Variants in TTN observed in about 807,000 individuals in gnomAD.
TTN encodes titin.
A neutral mutation model predicts 3,223.0 loss-of-function variants in TTN; 1,525 were observed. The ratio of observed to expected loss-of-function variants is 0.47; its 90% CI spans 0.45 to 0.49. The LOEUF (loss-of-function observed/expected upper bound fraction) is 0.49, where lower values mean the gene tolerates loss of function less well. Ranked by LOEUF, TTN falls within the 20% of genes least tolerant of loss-of-function variation. The pLI, the probability that TTN is intolerant of heterozygous loss-of-function variation, is 0.00. For synonymous variants in TTN, 14,094 were observed against 15,161.0 expected (o/e 0.93, Z 5.17); for missense variants, 40,786 against 43,424.0 (o/e 0.94, Z 5.40).
rs371454228 is a variant in TTN, at chr2:178,804,598, A to G, written c.45T>C (p.Val15=). 7 of 1,613,916 alleles carry G rather than the reference A, an allele frequency of 4.3e-6. No homozygotes were observed. The highest frequency in any genetic ancestry group is 5.9e-6 in the Non-Finnish European group (7 of 1,179,958). ...TTGCGGTACTACCCTCCAGTACCAC[A>G]ACGCTTTGTAACGGCTGCGTAAACG... ...APTFTQPLQS[V]VVLEGSTATF... Residue 15 remains valine, a synonymous_variant, in exon 2 of 363, where the codon GTT becomes GTC. Transcript: ENST00000589042.
Position 178,734,933 on chromosome 2 carries a change from T to A in TTN, c.14991A>T (p.Glu4997Asp). ...VDPSYLMLPG[E>D]SARLHCKLKG... ...TCAGCTTGCAATGGAGGCGTGCTGA[T>A]TCACCTGGGAGCATTAAATAAGAGG... The change falls in exon 51 of 363, where the codon GAA (glutamate) becomes GAT (aspartate). Residue 4997 changes from glutamate (E) to aspartate (D), a missense_variant. Physicochemically the swap from Glu to Asp is conservative, Grantham distance 45. Transcript: ENST00000589042. The A allele has an allele frequency of 6.2e-7, 1 of 1,610,392 alleles. No individual in the cohort carries two copies. Among genetic ancestry groups the A allele is most frequent in the East Asian group, 2.2e-5 (1 of 44,650 alleles).
At chr2:178,754,128 G>A (rs1648333849) in intron 46 of TTN, 1 of 152,090 alleles carries the variant, frequency 6.6e-6, no homozygotes, top group African/African-American at 2.4e-5. Context: ...CAGCATGTTA[G>A]TCATGAAACT....
chr2:178,722,774 G>T lies in TTN; in HGVS notation c.22125C>A (p.Asn7375Lys), dbSNP rs750961839. ...PTPEYRTYFT[N>K]NVATLVFNKV... ...TATTAAAAACAAGTGTGGCCACATT[G>T]TTTGTAAAGTAGGTCCTGTATTCAG... is the stretch of plus-strand genomic sequence containing the variant. The change falls in exon 76 of 363, where the codon AAC becomes AAA. Residue 7375 changes from asparagine (N) to lysine (K), a missense_variant. By Grantham distance (94) the Asn-to-Lys change is moderately conservative. Transcript: ENST00000589042. 1 of 1,613,124 alleles carries T rather than the reference G, an allele frequency of 6.2e-7. No homozygotes were observed. Among genetic ancestry groups the T allele is most frequent in the African/African-American group, 1.3e-5 (1 of 74,858 alleles).
rs1364548396 is a variant in TTN, at chr2:178,543,729, AT to A, written c.96311-68del. ...ATAGCTTTTTTTTTCTTGGGGAAATATAATCAACATAGTTCCTTTCTAGAGA... is the reference window on the plus strand; with the variant it reads ...ATAGCTTTTTTTTTCTTGGGGAAATAAATCAACATAGTTCCTTTCTAGAGA... On this transcript the variant is annotated intron_variant, in intron 346 of 362. Coordinates refer to ENST00000589042, the MANE Select transcript of TTN (RefSeq NM_001267550.2). The A allele has an allele frequency of 4.4e-5, 66 of 1,517,056 alleles. No individual in the cohort carries two copies. The East Asian group carries it at 1.5e-3, about 35-fold the overall frequency. The allele number at this position is 1,517,056 out of a possible 1,614,324, so 94.0% of individuals were successfully genotyped here. A position where few individuals can be genotyped will look rare whatever the true frequency, so the allele number is the denominator to read the frequency against.
At chr2:178,632,098 AT>A (rs2059876656) in intron 236 of TTN, 48 bp downstream of exon 236, 2 of 1,496,408 alleles carry the variant, frequency 1.3e-6, no homozygotes, top group African/African-American at 2.8e-5. Flanking sequence ...TACTCCACAA[AT>A]TTCTGTTGAA....
At position 178,679,365 on chromosome 2, in the gene TTN, T is replaced by G; in HGVS notation, c.33716A>C (p.Lys11239Thr). ...PEEKVPVLIP[K>T]KEKPPPAKVP... is the part of the protein sequence containing the mutation. ...TTTTGCTGGCGGAGGCTTCTCCTTT[T>G]TAGGAATAAGCACAGGAACTTTCTC... is the stretch of plus-strand genomic sequence containing the variant. The change falls in exon 142 of 363, where the codon AAA becomes ACA. Residue 11239 changes from lysine (K) to threonine (T), a missense_variant. By Grantham distance (78) the Lys-to-Thr change is moderately conservative. Transcript: ENST00000589042. 2 of 1,612,776 alleles carry G rather than the reference T, an allele frequency of 1.2e-6. No homozygotes were observed. Among genetic ancestry groups the G allele is most frequent in the Non-Finnish European group, 1.7e-6 (2 of 1,179,080 alleles).
Position 178,636,788 on chromosome 2 carries a change from T to C in TTN, c.40939A>G (p.Lys13647Glu), listed in dbSNP as rs777187629. The C allele has an allele frequency of 5.5e-5, 87 of 1,592,922 alleles. No homozygotes were observed. The highest frequency in any genetic ancestry group is 7.0e-5 in the Non-Finnish European group (82 of 1,169,212). ...TCGGCTTCTATTGGTGAAGGAGTCT[T>C]TTTGGGTACACCTAATTCAAAGTAA... Reference protein sequence around the residue: ...PKGPIKGVPKKTPSPIEAERR... With the variant: ...PKGPIKGVPKETPSPIEAERR... Residue 13647 changes from lysine to glutamate, a missense_variant, in exon 225 of 363, where the codon AAG becomes GAG. Transcript: ENST00000589042. The surrounding 1 kb of genome is among the most constrained non-coding windows in gnomAD (Gnocchi z 4.3).
chr2:178,665,836 G>A lies in TTN; in HGVS notation c.35876-45C>T, dbSNP rs115812606. ...TTGTACTTTGGAGTTATGAAGAGGA[G>A]TAAAGAGTTCCCATCTTAACTGCAC... On this transcript the variant is annotated intron_variant, in intron 163 of 362. Coordinates refer to ENST00000589042, the MANE Select transcript of TTN (RefSeq NM_001267550.2). The A allele has an allele frequency of 1.2e-3, 1,221 of 1,030,306 alleles. 16 individuals are homozygous for A. The African/African-American group carries it at 0.018, about 15-fold the overall frequency. 63.8% of individuals were successfully genotyped at this position (1,030,306 alleles called of 1,614,324 possible).
At chr2:178,789,032 C>T (rs1055672343) in intron 13 of TTN, among the ~76,000 whole-genome samples, 3 of 152,068 alleles carry the variant, frequency 2.0e-5, no homozygotes, top group East Asian at 1.9e-4. Flanking sequence ...ATACATCTTC[C>T]GTGTTTTTAA....
In TTN at chr2:178,711,099, T is replaced by C. The variant is rs1060500516; in HGVS notation, c.28137A>G (p.Ile9379Met). 2.0e-5 allele frequency: 32 copies of C among 1,612,520 alleles called. No individual in the cohort carries two copies. The highest frequency in any genetic ancestry group is 2.7e-5 in the Non-Finnish European group (32 of 1,179,136). The change falls in exon 97 of 363, where the codon ATA becomes ATG. Residue 9379 changes from isoleucine (I) to methionine (M), a missense_variant. Ile to Met is a conservative substitution (Grantham distance 10). Coordinates refer to ENST00000589042, the MANE Select transcript of TTN (RefSeq NM_001267550.2). ...GCCTGGCACTGGAAGAAGCAGAGCC[T>C]ATAGGGTTTGTAGCTGTGCAGGAAT... is the stretch of plus-strand genomic sequence containing the variant. The part of the protein sequence containing the change: ...GQYSCTATNP[I>M]GSASSSARLI...
At position 178,799,910 on chromosome 2, in the gene TTN, C is replaced by G; in HGVS notation, c.584G>C (p.Gly195Ala). 1 of 1,614,048 alleles carries G rather than the reference C, an allele frequency of 6.2e-7. No homozygotes were observed. Among genetic ancestry groups the G allele is most frequent in the Non-Finnish European group, 8.5e-7 (1 of 1,179,980 alleles). The change falls in exon 5 of 363, where the codon GGT (glycine) becomes GCT (alanine). Residue 195 changes from glycine (G) to alanine (A), a missense_variant and splice_region_variant. Transcript: ENST00000589042. The stretch of plus-strand genomic sequence containing the variant: ...CTTTTTAGCAGGTACTTCTTCTTCA[C>G]CTGTGGGAAGGGAAAGATGAATGTT... ...ATSTAELLVQ[G>A]EEEVPAKKTK...
In TTN at chr2:178,620,850, T is replaced by C. The variant is rs72677226; in HGVS notation, c.45760A>G (p.Ile15254Val). 6.2e-7 allele frequency: 1 copy of C among 1,612,660 alleles called. No individual in the cohort carries two copies. The highest frequency in any genetic ancestry group is 1.1e-5 in the South Asian group (1 of 91,052). Residue 15254 changes from isoleucine to valine, a missense_variant, in exon 247 of 363, where the codon ATC becomes GTC. Physicochemically the swap from Ile to Val is conservative, Grantham distance 29. Coordinates refer to ENST00000589042, the MANE Select transcript of TTN (RefSeq NM_001267550.2). ...TAGACTAGGTCTTTTTGGAGAATGA[T>C]GTATTTTGAACTATCAAATATAGCT... ...EEAIFDSSKY[I>V]ILQKDLVYTL... is the part of the protein sequence containing the mutation.
intron 137 of TTN, 95 bp from the exon 138 acceptor site, chr2:178,681,266 C>A: frequency 7.0e-7 from 1 of 1,432,752 alleles, no homozygotes; most frequent in South Asian, 1.3e-5. Flanking sequence ...AGAATCAGGA[C>A]AAGAACATCC....
intron 295 of TTN, 92 bp from the exon 296 acceptor site, chr2:178,594,738 A>G: frequency 1.9e-6 from 2 of 1,072,096 alleles, no homozygotes; most frequent in East Asian, 2.4e-5. Flanking sequence ...TGAAGATTGC[A>G]TTTAAACATT....
At chr2:178,762,724 C>A (rs1216032206) in intron 43 of TTN, among the ~76,000 whole-genome samples, 8 of 152,096 alleles carry the variant, frequency 5.3e-5, no homozygotes, top group African/African-American at 1.4e-4. Context: ...TTTAGCATTT[C>A]TTGAACACTA....
chr2:178,678,013 C>G, intron 145 of TTN, 96 bp from the exon 146 acceptor site: 1 of 1,555,436 alleles, frequency 6.4e-7, no homozygotes. Context: ...TCTGTGATCA[C>G]AAAGCATCAA....
chr2:178,545,827 GT>G lies in TTN; in HGVS notation c.95408del (p.Asn31803ThrfsTer41). The G allele has an allele frequency of 6.2e-7, 1 of 1,613,056 alleles. No homozygotes were observed. The highest frequency in any genetic ancestry group is 8.5e-7 in the Non-Finnish European group (1 of 1,179,166). ...PVESEPIVAR[N>X]SFTIPSPPGI... ...AAAAGTGTTAATACTTACTGAATGA[GT>G]TTCTGGCTACAATTGGCTCTGATTC... On this transcript the variant is annotated frameshift_variant, in exon 343 of 363. Coordinates refer to ENST00000589042, the MANE Select transcript of TTN (RefSeq NM_001267550.2). LOFTEE classifies it high-confidence loss of function.
Position 178,688,092 on chromosome 2 carries a change from G to T in TTN, c.32311+19C>A, listed in dbSNP as rs1232217872. On this transcript the variant is annotated intron_variant, in intron 127 of 362. Coordinates refer to ENST00000589042, the MANE Select transcript of TTN (RefSeq NM_001267550.2). ...TCATCAAAACCCCAGATCATCTCTA[G>T]CTTATTTGCATTGTTTACCTTCATA... 4 of 1,599,658 alleles carry T rather than the reference G, an allele frequency of 2.5e-6. No homozygotes were observed. In the East Asian group the frequency reaches 8.9e-5, roughly 36 times the overall value.
In TTN at chr2:178,548,495, C is replaced by T. The variant is rs570464905; in HGVS notation, c.93131G>A (p.Gly31044Asp). 47 of 1,613,762 alleles carry T rather than the reference C, an allele frequency of 2.9e-5. No individual in the cohort carries two copies. Among genetic ancestry groups the T allele is most frequent in the Non-Finnish European group, 3.9e-5 (46 of 1,179,818 alleles). Residue 31044 changes from glycine (G) to aspartate (D), a missense_variant, in exon 339 of 363, where the codon GGT (glycine) becomes GAT (aspartate). Transcript: ENST00000589042. The surrounding 1 kb of genome is among the most constrained non-coding windows in gnomAD (Gnocchi z 4.3). ...CACATAATGATGGATTCGGGCACCA[C>T]CGTCAAGAAGAGGGGCATCCCACAT... is the stretch of plus-strand genomic sequence containing the variant. Reference protein sequence around the residue: ...TLMWDAPLLDGGARIHHYVVE... With the variant: ...TLMWDAPLLDDGARIHHYVVE...
Sources: allele counts gnomAD v4.1 joint callset (sites outside exome capture counted in the v4.1 genomes callset), GRCh38; gene constraint gnomAD v4.1.1; non-coding constraint Gnocchi (gnomAD v3.1); transcripts MANE v1.5; gene names NCBI Gene and HGNC (gene_info 2026-07-23, HGNC 2026-07-21).